Variants in ST8SIA4 observed in about 807,000 individuals in gnomAD.
ST8SIA4 encodes CMP-N-acetylneuraminate-poly-alpha-2,8-sialyltransferase.
Under a neutral mutation model 33.9 loss-of-function variants are expected in ST8SIA4, and 15 were observed. The ratio of observed to expected loss-of-function variants is 0.44; its 90% CI spans 0.30 to 0.68. The LOEUF is 0.68. Among genes scored for constraint, ST8SIA4 ranks in the 30% least tolerant of loss-of-function variants. ST8SIA4 has a pLI of 0.10. For missense variants in ST8SIA4, 321 were observed against 428.0 expected (o/e 0.75, Z 2.21); for synonymous variants, 171 against 151.2 (o/e 1.13, Z -0.96).
At chr5:100,876,047 A>G (rs954352128) in intron 3 of ST8SIA4, among the ~76,000 whole-genome samples, 1 of 152,106 alleles carries the variant, frequency 6.6e-6, no homozygotes, top group African/African-American at 2.4e-5. Context: ...TTTCTCTTTT[A>G]TTAGTTAATA....
At chr5:100,895,375 G>A (rs2112482407) in intron 2 of ST8SIA4, among the ~76,000 whole-genome samples, 1 of 152,094 alleles carries the variant, frequency 6.6e-6, no homozygotes, top group African/African-American at 2.4e-5. Flanking sequence ...ATTGAGTGAA[G>A]TATGTTAAAT....
chr5:100,830,416 T>G (rs1337232434), intron 4 of ST8SIA4, among the ~76,000 whole-genome samples: 2 of 152,236 alleles, frequency 1.3e-5, no homozygotes, highest in African/African-American at 2.4e-5. Flanking sequence ...AAGTAATGCC[T>G]AGCACATAAT....
rs531375324 is a variant in ST8SIA4, at chr5:100,815,256, C to A, written c.798-3127G>T. On this transcript the variant is annotated intron_variant, in intron 4 of 4. Transcript: ENST00000231461. ...AGAAAAACATTACCTATAATCCATC[C>A]ACATAAGGATAATTACTGCTATAAC... Among the ~76,000 whole-genome samples the A allele has an allele frequency of 4.1e-4, 63 of 151,920 alleles. 1 individual carries two copies. The South Asian group carries it at 0.013, about 31-fold the overall frequency.
chr5:100,849,542 G>A (rs1050834914), intron 4 of ST8SIA4: 44 of 804,176 alleles, frequency 5.5e-5, no homozygotes, highest in South Asian at 4.0e-4. Flanking sequence ...CGCACTTTGG[G>A]AGGCTAAGGC....
At chr5:100,824,502 C>T (rs1437784703) in intron 4 of ST8SIA4, among the ~76,000 whole-genome samples, 1 of 151,832 alleles carries the variant, frequency 6.6e-6, no homozygotes, top group African/African-American at 2.4e-5. Context: ...TTTATGGGAA[C>T]TCTTTAAGGG....
chr5:100,830,089 C>T (rs1041699437), intron 4 of ST8SIA4, among the ~76,000 whole-genome samples: 2 of 152,026 alleles, frequency 1.3e-5, no homozygotes, highest in Non-Finnish European at 2.9e-5. Flanking sequence ...CATAAATGTG[C>T]CACACTGAAG....
intron 3 of ST8SIA4, among the ~76,000 whole-genome samples, chr5:100,857,391 T>TA (rs202082921): frequency 4.0e-5 from 6 of 151,078 alleles, no homozygotes; most frequent in Non-Finnish European, 5.9e-5. Context: ...TTTTTTTTTT[T>TA]AAAAAAACTA....
At chr5:100,880,167 T>C (rs1218647785) in intron 3 of ST8SIA4, among the ~76,000 whole-genome samples, 1 of 152,110 alleles carries the variant, frequency 6.6e-6, no homozygotes, top group Non-Finnish European at 1.5e-5. Flanking sequence ...CTCTAGCAAA[T>C]ATTTATAGAA....
intron 4 of ST8SIA4, among the ~76,000 whole-genome samples, chr5:100,848,616 G>A (rs1038481588): frequency 1.3e-5 from 2 of 149,810 alleles, no homozygotes; most frequent in Admixed American, 6.7e-5. Flanking sequence ...CGCGAGTATA[G>A]ACTATATAAA....
chr5:100,826,861 T>G, intron 4 of ST8SIA4, among the ~76,000 whole-genome samples: 1 of 151,880 alleles, frequency 6.6e-6, no homozygotes, highest in East Asian at 1.9e-4. Context: ...TAAACAATTA[T>G]ATATAATACA....
At chr5:100,813,708 G>A (rs1750857788) in intron 4 of ST8SIA4, among the ~76,000 whole-genome samples, 1 of 151,754 alleles carries the variant, frequency 6.6e-6, no homozygotes, top group Non-Finnish European at 1.5e-5. Context: ...GAAAACAAGT[G>A]TTTTTTAACA....
At chr5:100,893,611 T>C (rs909834538) in intron 2 of ST8SIA4, among the ~76,000 whole-genome samples, 18 of 152,246 alleles carry the variant, frequency 1.2e-4, no homozygotes, top group Non-Finnish European at 2.5e-4. Flanking sequence ...ATGTTATTAA[T>C]AGCAAAATGT....
intron 3 of ST8SIA4, among the ~76,000 whole-genome samples, chr5:100,861,227 C>T (rs1751934898): frequency 6.6e-6 from 1 of 151,898 alleles, no homozygotes; most frequent in African/African-American, 2.4e-5. Flanking sequence ...TTTAACAATA[C>T]CAATTGTTGA....
chr5:100,834,464 G>T (rs1751324404), intron 4 of ST8SIA4, among the ~76,000 whole-genome samples: 1 of 152,128 alleles, frequency 6.6e-6, no homozygotes, highest in Non-Finnish European at 1.5e-5. Flanking sequence ...TTTATTTTAT[G>T]TTGACAGTTT....
rs879894289 is a variant in ST8SIA4, at chr5:100,810,266, T to A, written c.*1581A>T. The A allele has an allele frequency of 1.3e-5, 2 of 152,224 alleles. No homozygotes were observed. Among genetic ancestry groups the A allele is most frequent in the Admixed American group, 1.3e-4 (2 of 15,286 alleles). 9.4% of individuals were successfully genotyped at this position (152,224 alleles called of 1,614,324 possible). On this transcript the variant is annotated 3_prime_UTR_variant, in exon 5 of 5. Coordinates refer to ENST00000231461, the MANE Select transcript of ST8SIA4 (RefSeq NM_005668.6). ...GAACATATGTGATATTGTGACTAAA[T>A]TTAACTACAGAAAATATCGGTCAAT...
At chr5:100,891,249 A>C (rs950844001) in intron 2 of ST8SIA4, among the ~76,000 whole-genome samples, 1 of 151,842 alleles carries the variant, frequency 6.6e-6, no homozygotes, top group Admixed American at 6.6e-5. Flanking sequence ...TATGTTAGGA[A>C]TCAGTTTTTG....
intron 4 of ST8SIA4, among the ~76,000 whole-genome samples, chr5:100,830,930 T>C (rs1217187597): frequency 6.6e-6 from 1 of 152,218 alleles, no homozygotes; most frequent in Non-Finnish European, 1.5e-5. Context: ...TATGTTTTAT[T>C]ATGTTTACTT....
chr5:100,856,442 T>C, intron 3 of ST8SIA4, 46 bp from the exon 4 acceptor site: 1 of 1,527,080 alleles, frequency 6.5e-7, no homozygotes, highest in South Asian at 1.2e-5. Flanking sequence ...AAAAGAAATA[T>C]TCACTGGTAA....
intron 4 of ST8SIA4, among the ~76,000 whole-genome samples, chr5:100,827,132 A>G (rs1751165134): frequency 6.6e-6 from 1 of 152,198 alleles, no homozygotes; most frequent in South Asian, 2.1e-4. Flanking sequence ...CACTAATGGT[A>G]CAAGTCAGAA....
Sources: gnomAD v4.1 joint callset for allele counts (sites outside exome capture counted in the v4.1 genomes callset) on GRCh38, gnomAD v4.1.1 for gene constraint, MANE v1.5 for transcripts, NCBI Gene and HGNC (gene_info 2026-07-23, HGNC 2026-07-21) for gene names.